FAR2: variants seen among roughly 807,000 people sequenced by gnomAD.
The protein encoded by FAR2 is fatty acyl-CoA reductase 2.
In FAR2, 19 loss-of-function variants were observed where a neutral mutation model predicts 56.0. That is an observed-to-expected ratio of 0.34 (90% CI 0.24 to 0.50). The LOEUF is 0.50. FAR2 is among the 20% of genes least tolerant of loss of function. The pLI, the probability that FAR2 is intolerant of heterozygous loss-of-function variation, is 0.98. For missense variants in FAR2, 508 were observed against 642.2 expected, an observed-to-expected ratio of 0.79 and a Z score of 2.26; for synonymous variants, 219 against 218.8, an observed-to-expected ratio of 1.00 and a Z score of -0.01.
chr12:29,268,808 T>C (rs1208674784), intron 1 of FAR2, among the ~76,000 whole-genome samples: 1 of 152,114 alleles, frequency 6.6e-6, no homozygotes. Context: ...AAGCTGGGCA[T>C]CCGGGGGAGA....
intron 2 of FAR2, among the ~76,000 whole-genome samples, chr12:29,272,042 A>G (rs1948627481): frequency 6.6e-6 from 1 of 152,180 alleles, no homozygotes; most frequent in African/African-American, 2.4e-5. Flanking sequence ...CAAAACCTAG[A>G]ATAAATTCCC....
At chr12:29,212,409 T>G (rs1412124209) in intron 1 of FAR2, among the ~76,000 whole-genome samples, 1 of 152,204 alleles carries the variant, frequency 6.6e-6, no homozygotes, top group African/African-American at 2.4e-5. Context: ...TGGTTTCACT[T>G]TTACTGCTCT....
intron 2 of FAR2, chr12:29,291,516 G>T: frequency 2.2e-6 from 1 of 445,730 alleles, no homozygotes; most frequent in Admixed American, 2.4e-5. Flanking sequence ...CACTCTAAAT[G>T]GAGAAATTCT....
At position 29,181,976 on chromosome 12, in the gene FAR2, T is replaced by C. The variant is rs553661787; in HGVS notation, c.-39+32569T>C. ...AGATAGACAGATTATACCTAGATAG[T>C]TCATTGAACAATACATGTAATCTTA... On this transcript the variant is annotated intron_variant, in intron 1 of 11. Coordinates refer to ENST00000536681, the MANE Select transcript of FAR2 (RefSeq NM_001271783.2). Among the ~76,000 whole-genome samples the C allele has an allele frequency of 8.3e-4, 126 of 152,278 alleles. 1 individual carries two copies. Among genetic ancestry groups the C allele is most frequent in the African/African-American group, 2.9e-3 (119 of 41,556 alleles).
chr12:29,234,414 A>AAAGTCACG, intron 1 of FAR2, among the ~76,000 whole-genome samples: 1 of 152,214 alleles, frequency 6.6e-6, no homozygotes, highest in South Asian at 2.1e-4. Context: ...CAGTAGTCAC[A>AAAGTCACG]AAGTCCTGAT....
chr12:29,302,471 G>A (rs1949190760), intron 4 of FAR2, among the ~76,000 whole-genome samples: 1 of 152,138 alleles, frequency 6.6e-6, no homozygotes, highest in Non-Finnish European at 1.5e-5. Context: ...CTGGAGCTGG[G>A]AAACCCAGGC....
intron 10 of FAR2, among the ~76,000 whole-genome samples, chr12:29,331,139 A>G (rs1041179457): frequency 1.3e-5 from 2 of 152,022 alleles, no homozygotes; most frequent in Non-Finnish European, 2.9e-5. Flanking sequence ...AGGCCTCACC[A>G]GAAGTTAAGT....
intron 2 of FAR2, among the ~76,000 whole-genome samples, chr12:29,273,688 C>T (rs1207901976): frequency 1.3e-5 from 2 of 152,222 alleles, no homozygotes; most frequent in African/African-American, 2.4e-5. Flanking sequence ...CCCCTCTGCC[C>T]CCAGGAGTTC....
intron 1 of FAR2, among the ~76,000 whole-genome samples, chr12:29,221,785 C>A (rs979841481): frequency 6.6e-6 from 1 of 152,084 alleles, no homozygotes; most frequent in Non-Finnish European, 1.5e-5. Context: ...TGACTTTAAA[C>A]CTTTTATTTT....
intron 1 of FAR2, among the ~76,000 whole-genome samples, chr12:29,226,042 T>C (rs981793867): frequency 2.0e-5 from 3 of 152,208 alleles, no homozygotes; most frequent in Non-Finnish European, 4.4e-5. Context: ...ACAAATTACT[T>C]AAGCTCTCTG....
chr12:29,186,857 C>T (rs1950048834), intron 1 of FAR2, among the ~76,000 whole-genome samples: 1 of 151,974 alleles, frequency 6.6e-6, no homozygotes, highest in Non-Finnish European at 1.5e-5. Context: ...GGCGCAATCT[C>T]GGCTCACTGT....
At chr12:29,276,550 G>A (rs540759393) in intron 2 of FAR2, among the ~76,000 whole-genome samples, 1 of 152,252 alleles carries the variant, frequency 6.6e-6, no homozygotes, top group East Asian at 1.9e-4. Flanking sequence ...AAAAAAATAT[G>A]TGCTTGATTT....
chr12:29,210,135 G>A (rs944325283), intron 1 of FAR2, among the ~76,000 whole-genome samples: 8 of 152,174 alleles, frequency 5.3e-5, no homozygotes, highest in Admixed American at 3.9e-4. Context: ...TTGAGCCCCG[G>A]AGGTCAATGC....
intron 1 of FAR2, among the ~76,000 whole-genome samples, chr12:29,172,266 C>T (rs1259285316): frequency 3.3e-5 from 5 of 151,980 alleles, no homozygotes; most frequent in Admixed American, 6.5e-5. Flanking sequence ...AAGTGAGGAG[C>T]ACCTCTGCCC....
intron 2 of FAR2, among the ~76,000 whole-genome samples, chr12:29,285,439 T>G (rs899001432): frequency 6.6e-6 from 1 of 151,762 alleles, no homozygotes; most frequent in African/African-American, 2.4e-5. Flanking sequence ...GCAAGAGGCC[T>G]CTAGTGTAAG....
At chr12:29,154,792 G>C (rs965567662) in intron 1 of FAR2, among the ~76,000 whole-genome samples, 2 of 135,382 alleles carry the variant, frequency 1.5e-5, no homozygotes, top group Admixed American at 7.5e-5. Context: ...TAATAATCAA[G>C]AAAAGAGAGA....
At chr12:29,150,809 T>C (rs911615947) in intron 1 of FAR2, among the ~76,000 whole-genome samples, 1 of 152,218 alleles carries the variant, frequency 6.6e-6, no homozygotes, top group Non-Finnish European at 1.5e-5. Flanking sequence ...CCTGCTGTAT[T>C]AACAAATTCC....
At chr12:29,258,345 A>G (rs1027488468) in intron 1 of FAR2, among the ~76,000 whole-genome samples, 5 of 152,102 alleles carry the variant, frequency 3.3e-5, no homozygotes, top group African/African-American at 1.2e-4. Flanking sequence ...ACAGAGCGAG[A>G]CTCCATCTCA....
intron 1 of FAR2, among the ~76,000 whole-genome samples, chr12:29,152,503 A>G (rs546420987): frequency 3.3e-4 from 50 of 152,326 alleles, no homozygotes; most frequent in African/African-American, 1.1e-3. Flanking sequence ...CATGATGGCA[A>G]TACACTCAGA....
Sources: gnomAD v4.1 joint callset for allele counts (sites outside exome capture counted in the v4.1 genomes callset) on GRCh38, gnomAD v4.1.1 for gene constraint, MANE v1.5 for transcripts, NCBI Gene and HGNC (gene_info 2026-07-23, HGNC 2026-07-21) for gene names.